PPM1E: variants seen among roughly 807,000 people sequenced by gnomAD.
PPM1E encodes protein phosphatase 1E.
In PPM1E, 20 loss-of-function variants were observed where a neutral mutation model predicts 65.9. The observed-to-expected ratio is 0.30, with a 90% CI of 0.21 to 0.44. PPM1E has a LOEUF of 0.44. PPM1E is among the 20% of genes least tolerant of loss of function. The pLI is 1.00. For missense variants in PPM1E, 713 were observed against 953.1 expected, an observed-to-expected ratio of 0.75 and a Z score of 3.32; for synonymous variants, 352 against 374.9, an observed-to-expected ratio of 0.94 and a Z score of 0.70.
chr17:58,923,096 G>A (rs1423930735), intron 1 of PPM1E, among the ~76,000 whole-genome samples: 2 of 26,942 alleles, frequency 7.4e-5, no homozygotes, highest in Admixed American at 1.1e-3. Flanking sequence ...GACCAGCCTG[G>A]CCAACATGGC....
chr17:58,940,345 A>G (rs937128060), intron 1 of PPM1E, among the ~76,000 whole-genome samples: 6 of 152,216 alleles, frequency 3.9e-5, no homozygotes, highest in African/African-American at 1.4e-4. Context: ...AGTCAAAACC[A>G]TAAGAAGTTA....
At chr17:58,793,209 T>C (rs1268359706) in intron 1 of PPM1E, among the ~76,000 whole-genome samples, 2 of 152,114 alleles carry the variant, frequency 1.3e-5, no homozygotes. Flanking sequence ...ATCTTTGTTA[T>C]TTCCTTCTTT....
intron 6 of PPM1E, among the ~76,000 whole-genome samples, chr17:58,979,730 G>A (rs1169699211): frequency 6.6e-6 from 1 of 152,208 alleles, no homozygotes; most frequent in African/African-American, 2.4e-5. Context: ...CAGATTCAGA[G>A]TCTAAGCTAG....
intron 1 of PPM1E, among the ~76,000 whole-genome samples, chr17:58,950,648 T>G (rs2052222915): frequency 6.6e-6 from 1 of 152,058 alleles, no homozygotes; most frequent in African/African-American, 2.4e-5. Flanking sequence ...CTGCCTGAGT[T>G]TTTTCAAAAG....
intron 1 of PPM1E, among the ~76,000 whole-genome samples, chr17:58,899,061 G>A (rs1307369121): frequency 6.6e-6 from 1 of 151,900 alleles, no homozygotes; most frequent in Non-Finnish European, 1.5e-5. Context: ...TAATGTAAAT[G>A]ATGAGTTGAT....
At chr17:58,868,656 G>A (rs1025779484) in intron 1 of PPM1E, among the ~76,000 whole-genome samples, 1 of 149,194 alleles carries the variant, frequency 6.7e-6, no homozygotes, top group Non-Finnish European at 1.5e-5. Flanking sequence ...TTAATTGGTT[G>A]GACAATTGTT....
rs1201312986 is a variant in PPM1E at position 58,825,220 on chromosome 17, ACACT to A, written c.464+68763_464+68766del. 1.6e-4 allele frequency among the ~76,000 whole-genome samples: 17 copies of A among 106,504 alleles called. No individual in the cohort carries two copies. In the South Asian group the frequency reaches 2.6e-3, roughly 16 times the overall value. 69.9% of individuals were successfully genotyped at this position (106,504 alleles called of 152,430 possible). On this transcript the variant is annotated intron_variant, in intron 1 of 6. Coordinates refer to ENST00000308249, the MANE Select transcript of PPM1E (RefSeq NM_014906.5). ...GCTTGAACTATTGATTCTCACACAC[ACACT>A]CACACACACACACACACACACACAC...
At position 58,955,825 on chromosome 17, in the gene PPM1E, T is replaced by C; in HGVS notation, c.583+58T>C. On this transcript the variant is annotated intron_variant, in intron 2 of 6. Transcript: ENST00000308249. ...TACTAGAATCTTCTATATGTAGTGG[T>C]CCACAGAAAATATCTGCAAAATACT... 3.4e-6 allele frequency: 5 copies of C among 1,489,520 alleles called. No individual in the cohort carries two copies. In the South Asian group the frequency reaches 6.8e-5, roughly 20 times the overall value. The allele number at this position is 1,489,520 out of a possible 1,614,324, so 92.3% of individuals were successfully genotyped here.
intron 1 of PPM1E, among the ~76,000 whole-genome samples, chr17:58,878,657 G>A (rs1008496572): frequency 3.3e-5 from 5 of 151,456 alleles, no homozygotes; most frequent in African/African-American, 1.2e-4. Flanking sequence ...TGCTGGCCAG[G>A]CGTGGTGGCT....
At chr17:58,928,702 A>T (rs934615857) in intron 1 of PPM1E, among the ~76,000 whole-genome samples, 16 of 140,484 alleles carry the variant, frequency 1.1e-4, no homozygotes, top group African/African-American at 4.2e-4. Flanking sequence ...TCACACACGA[A>T]TTTTTTTTTT....
At chr17:58,858,428 G>A (rs1004736148) in intron 1 of PPM1E, among the ~76,000 whole-genome samples, 2 of 151,920 alleles carry the variant, frequency 1.3e-5, no homozygotes, top group Non-Finnish European at 2.9e-5. Context: ...CTGTAATTTA[G>A]TATCCTTTAA....
In PPM1E at chr17:58,936,820, G is replaced by C. The variant is rs1448681948; in HGVS notation, c.465-18829G>C. ...ATTTGAAAATGAATGCAAATTAAATGTTTTTATTCAGTAATAATCTATTTA... is the reference window on the plus strand; with the variant it reads ...ATTTGAAAATGAATGCAAATTAAATCTTTTTATTCAGTAATAATCTATTTA... On this transcript the variant is annotated intron_variant, in intron 1 of 6. Transcript: ENST00000308249. 2.6e-5 allele frequency among the ~76,000 whole-genome samples: 4 copies of C among 152,136 alleles called. No homozygotes were observed. In the East Asian group the frequency reaches 7.7e-4, roughly 29 times the overall value.
chr17:58,786,677 G>A (rs2050104107), intron 1 of PPM1E, among the ~76,000 whole-genome samples: 1 of 152,134 alleles, frequency 6.6e-6, no homozygotes, highest in South Asian at 2.1e-4. Flanking sequence ...TTGACCATGG[G>A]TAACTAAAAC....
At chr17:58,819,345 C>T (rs1386512346) in intron 1 of PPM1E, among the ~76,000 whole-genome samples, 1 of 152,100 alleles carries the variant, frequency 6.6e-6, no homozygotes, top group Non-Finnish European at 1.5e-5. Context: ...CACGGGGTTT[C>T]GCCATGTAGG....
chr17:58,845,225 CAT>C (rs1403228319), intron 1 of PPM1E, among the ~76,000 whole-genome samples: 1 of 151,196 alleles, frequency 6.6e-6, no homozygotes, highest in Non-Finnish European at 1.5e-5. Flanking sequence ...CCAGGGGTAA[CAT>C]ATAGCAACCT....
chr17:58,789,992 T>G (rs1335017510), intron 1 of PPM1E, among the ~76,000 whole-genome samples: 1 of 152,156 alleles, frequency 6.6e-6, no homozygotes, highest in Non-Finnish European at 1.5e-5. Flanking sequence ...TTTATGCATT[T>G]TTGAAATTTT....
chr17:58,872,509 G>A (rs558812107), intron 1 of PPM1E, among the ~76,000 whole-genome samples: 25 of 152,142 alleles, frequency 1.6e-4, no homozygotes, highest in Non-Finnish European at 2.8e-4. Context: ...TCCCTTCATG[G>A]TGACCAAAAT....
At chr17:58,912,910 G>T (rs78738971) in intron 1 of PPM1E, among the ~76,000 whole-genome samples, 1 of 152,172 alleles carries the variant, frequency 6.6e-6, no homozygotes, top group African/African-American at 2.4e-5. Flanking sequence ...GGTTCAAAGA[G>T]CTTCTTGTGC....
chr17:58,920,059 G>C (rs899379306), intron 1 of PPM1E, among the ~76,000 whole-genome samples: 3 of 152,168 alleles, frequency 2.0e-5, no homozygotes, highest in African/African-American at 7.2e-5. Flanking sequence ...GTAACAGGTA[G>C]TCGGATTTTG....
Sources: gnomAD v4.1 joint callset for allele counts (sites outside exome capture counted in the v4.1 genomes callset) on GRCh38, gnomAD v4.1.1 for gene constraint, MANE v1.5 for transcripts, NCBI Gene and HGNC (gene_info 2026-07-23, HGNC 2026-07-21) for gene names.